The following RIMBP2 variants were observed in gnomAD, a reference collection of about 807,000 sequenced individuals.
RIMBP2 encodes the protein RIMS-binding protein 2.
Under a neutral mutation model 118.6 loss-of-function variants are expected in RIMBP2, and 48 were observed. That is an observed-to-expected ratio of 0.40 (90% CI 0.32 to 0.51). The LOEUF (loss-of-function observed/expected upper bound fraction) is 0.51, where lower values mean the gene tolerates loss of function less well. RIMBP2 is among the 20% of genes least tolerant of loss of function. The probability of loss-of-function intolerance (pLI) is 0.41; values close to 1 mark genes in which losing one functional copy is unlikely to be tolerated. For missense variants in RIMBP2, 1,551 were observed against 1,768.3 expected (o/e 0.88, Z 2.20); for synonymous variants, 762 against 742.9 (o/e 1.03, Z -0.42).
At chr12:130,558,765 G>C (rs1438839939) in intron 2 of RIMBP2, among the ~76,000 whole-genome samples, 1 of 152,220 alleles carries the variant, frequency 6.6e-6, no homozygotes, top group Non-Finnish European at 1.5e-5. Context: ...GGGTGATGAT[G>C]ACCTGCTATG....
At chr12:130,498,097 C>T (rs529052489) in intron 4 of RIMBP2, among the ~76,000 whole-genome samples, 5 of 152,176 alleles carry the variant, frequency 3.3e-5, no homozygotes, top group South Asian at 4.2e-4. Flanking sequence ...TCCTGCTGCT[C>T]GGTCATTCTC....
At chr12:130,527,363 T>C (rs75584567) in intron 2 of RIMBP2, among the ~76,000 whole-genome samples, 5,080 of 152,274 alleles carry the variant, frequency 0.033, 275 homozygotes, top group African/African-American at 0.11. Context: ...ACTCCAAACT[T>C]CTCAGTTCCC....
chr12:130,438,335 A>C (rs1593294373), intron 12 of RIMBP2, 30 bp downstream of exon 12: 4,340 of 862,350 alleles, frequency 5.0e-3, no homozygotes, highest in Non-Finnish European at 7.7e-3. Context: ...GGCCTAACAA[A>C]CCCTCCCCAC....
At chr12:130,704,185 G>A (rs1258250029) in intron 1 of RIMBP2, among the ~76,000 whole-genome samples, 1 of 152,160 alleles carries the variant, frequency 6.6e-6, no homozygotes, top group African/African-American at 2.4e-5. Context: ...GACGAGGACC[G>A]AGGAGGCAGA....
chr12:130,630,731 C>G (rs1156901162), intron 1 of RIMBP2, among the ~76,000 whole-genome samples: 2 of 152,158 alleles, frequency 1.3e-5, no homozygotes, highest in Admixed American at 6.5e-5. Flanking sequence ...TGGGTTAGGG[C>G]ATTAGACTTC....
chr12:130,571,141 A>G (rs1348739928), intron 2 of RIMBP2, among the ~76,000 whole-genome samples: 1 of 149,260 alleles, frequency 6.7e-6, no homozygotes, highest in East Asian at 2.0e-4. Flanking sequence ...AAGGAGGAGG[A>G]AAGAGAGATA....
rs2052433585 is a variant in RIMBP2 at position 130,523,724 on chromosome 12, AG to A, written c.-216-5808del. Among the ~76,000 whole-genome samples the A allele has an allele frequency of 6.6e-6, 1 of 152,200 alleles. No homozygotes were observed. The highest frequency in any genetic ancestry group is 2.1e-4 in the South Asian group (1 of 4,826). On this transcript the variant is annotated intron_variant, in intron 2 of 22. Transcript: ENST00000690449. This position sits in a 1 kb window ranked among gnomAD's most constrained non-coding sequence, Gnocchi z 4.4. ...TGTATGTGTCAGTACCGGGCTCAGC[AG>A]GGGGCCCTGAGTGAGTGGGTGAGGA...
chr12:130,630,464 C>A (rs1399114307), intron 1 of RIMBP2, among the ~76,000 whole-genome samples: 1 of 151,934 alleles, frequency 6.6e-6, no homozygotes, highest in Non-Finnish European at 1.5e-5. Flanking sequence ...CATAAACAAC[C>A]AAAATATCAG....
chr12:130,693,012 C>T (rs1381688485), intron 1 of RIMBP2, among the ~76,000 whole-genome samples: 4 of 152,152 alleles, frequency 2.6e-5, no homozygotes, highest in South Asian at 4.1e-4. Flanking sequence ...AAGTGAGGAA[C>T]TTGCATCAGC....
chr12:130,404,413 T>C (rs2074964289), intron 21 of RIMBP2, among the ~76,000 whole-genome samples: 1 of 152,174 alleles, frequency 6.6e-6, no homozygotes, highest in Admixed American at 6.5e-5. Flanking sequence ...TTCTCCTGCC[T>C]CAGCCTCCAA....
At chr12:130,590,015 G>C (rs2059155432) in intron 2 of RIMBP2, among the ~76,000 whole-genome samples, 1 of 152,186 alleles carries the variant, frequency 6.6e-6, no homozygotes, top group Non-Finnish European at 1.5e-5. Flanking sequence ...GTGAGTTTCT[G>C]GGAGGGATTG....
Position 130,617,813 on chromosome 12 carries a change from G to C in RIMBP2, c.-217+10509C>G, listed in dbSNP as rs530372319. ...CACTCCGTTGTCTGGGCTACTTAGA[G>C]ATGTTGTCCAATCATTGGAAAACTT... On this transcript the variant is annotated intron_variant, in intron 2 of 22. Transcript: ENST00000690449. The surrounding 1 kb of genome is among the most constrained non-coding windows in gnomAD (Gnocchi z 4.6). Among the ~76,000 whole-genome samples the C allele has an allele frequency of 6.6e-6, 1 of 152,300 alleles. No individual in the cohort carries two copies. The highest frequency in any genetic ancestry group is 2.1e-4 in the South Asian group (1 of 4,830).
intron 2 of RIMBP2, among the ~76,000 whole-genome samples, chr12:130,610,808 C>T (rs1294348198): frequency 1.3e-5 from 2 of 152,020 alleles, no homozygotes; most frequent in African/African-American, 4.8e-5. Context: ...GATCCGCCCG[C>T]CTCGGCCTCC....
intron 2 of RIMBP2, among the ~76,000 whole-genome samples, chr12:130,527,701 G>A (rs1380137947): frequency 2.0e-5 from 3 of 151,008 alleles, no homozygotes; most frequent in South Asian, 2.1e-4. Flanking sequence ...CATTTGACAC[G>A]AGTCTGATAT....
intron 1 of RIMBP2, among the ~76,000 whole-genome samples, chr12:130,646,329 GCCTCACCACCTC>G (rs1362078391): frequency 7.5e-4 from 2 of 2,676 alleles, no homozygotes; most frequent in Admixed American, 3.6e-3. Flanking sequence ...CTCTCCACCT[GCCTCACCACCTC>G]CCTCACCACC....
chr12:130,548,055 G>A (rs2055350372), intron 2 of RIMBP2, among the ~76,000 whole-genome samples: 2 of 152,138 alleles, frequency 1.3e-5, no homozygotes, highest in South Asian at 4.1e-4. Flanking sequence ...TCACCCTCTG[G>A]TGACTGACCA....
At chr12:130,510,020 CT>C (rs1197917904) in intron 3 of RIMBP2, among the ~76,000 whole-genome samples, 2 of 152,206 alleles carry the variant, frequency 1.3e-5, no homozygotes, top group East Asian at 3.9e-4. Flanking sequence ...TATTATCCAG[CT>C]TTTTATAAGA....
At chr12:130,671,864 T>C (rs1369628035) in intron 1 of RIMBP2, among the ~76,000 whole-genome samples, 1 of 152,180 alleles carries the variant, frequency 6.6e-6, no homozygotes, top group African/African-American at 2.4e-5. Flanking sequence ...AATGATACAA[T>C]ATTGAAATAT....
At chr12:130,462,716 G>T (rs61935900) in intron 6 of RIMBP2, among the ~76,000 whole-genome samples, 10,758 of 152,268 alleles carry the variant, frequency 0.071, 503 homozygotes, top group Middle Eastern at 0.13. Context: ...GAGCATCATG[G>T]GGCCAAAGCG....
Sources: allele counts gnomAD v4.1 joint callset (sites outside exome capture counted in the v4.1 genomes callset), GRCh38; gene constraint gnomAD v4.1.1; non-coding constraint Gnocchi (gnomAD v3.1); transcripts MANE v1.5; gene names NCBI Gene and HGNC (gene_info 2026-07-23, HGNC 2026-07-21).